HIPK1: variants seen among roughly 807,000 people sequenced by gnomAD.
HIPK1 encodes the protein homeodomain-interacting protein kinase 1.
A neutral mutation model predicts 117.1 loss-of-function variants in HIPK1; 28 were observed. The ratio of observed to expected loss-of-function variants is 0.24; its 90% CI spans 0.18 to 0.33. The LOEUF (loss-of-function observed/expected upper bound fraction) is 0.33, where lower values mean the gene tolerates loss of function less well. Ranked by LOEUF, HIPK1 falls within the 10% of genes least tolerant of loss-of-function variation. The pLI, the probability that HIPK1 is intolerant of heterozygous loss-of-function variation, is 1.00. For missense variants in HIPK1, 1,122 were observed against 1,475.1 expected (o/e 0.76, Z 3.92); for synonymous variants, 605 against 562.5 (o/e 1.08, Z -1.07).
intron 5 of HIPK1, 73 bp downstream of exon 5, chr1:113,955,722 A>T (rs1209732615): frequency 4.0e-6 from 3 of 756,678 alleles, no homozygotes; most frequent in African/African-American, 3.6e-5. Flanking sequence ...TATACTAAAG[A>T]CAAATTTAAT....
At position 113,973,651 on chromosome 1, in the gene HIPK1, A is replaced by G. The variant is rs529289210; in HGVS notation, c.*139A>G. On this transcript the variant is annotated 3_prime_UTR_variant, in exon 16 of 16. Transcript: ENST00000426820. ...TTGTTCTGCAGGGGCCCACTGAAGC[A>G]GAAGGTTTTTCTCTGGGGGAACCTG... 2.0e-6 allele frequency: 2 copies of G among 985,136 alleles called. No homozygotes were observed. The highest frequency in any genetic ancestry group is 2.0e-5 in the South Asian group (1 of 49,190). 61.0% of individuals were successfully genotyped at this position (985,136 alleles called of 1,614,324 possible). A position where few individuals can be genotyped will look rare whatever the true frequency, so the allele number is the denominator to read the frequency against.
chr1:113,970,723 T>C (rs904688299), intron 14 of HIPK1, among the ~76,000 whole-genome samples: 68 of 152,228 alleles, frequency 4.5e-4, no homozygotes, highest in Admixed American at 3.8e-3. Flanking sequence ...GGTTTAGTTA[T>C]TGTGTTAGTT....
chr1:113,969,893 C>T (rs1672705737), intron 13 of HIPK1, 63 bp from the exon 14 acceptor site: 4 of 1,576,880 alleles, frequency 2.5e-6, no homozygotes, highest in Middle Eastern at 2.1e-4. Context: ...GGTGACAGAA[C>T]AAGACGCTGT....
In HIPK1 at chr1:113,975,934, AC is replaced by A. The variant is rs1344230782; in HGVS notation, c.*2423del. 1 of 152,744 alleles carries A rather than the reference AC, an allele frequency of 6.5e-6. No homozygotes were observed. The highest frequency in any genetic ancestry group is 1.5e-5 in the Non-Finnish European group (1 of 68,046). 9.5% of individuals were successfully genotyped at this position (152,744 alleles called of 1,614,324 possible). On this transcript the variant is annotated 3_prime_UTR_variant, in exon 16 of 16. Coordinates refer to ENST00000426820, the MANE Select transcript of HIPK1 (RefSeq NM_198268.3). ...GGGGAAAGAAGATTAATCCTAAAAT[AC>A]AGGTGTGTTCCATCTGAATTGAAAA...
At position 113,966,428 on chromosome 1, in the gene HIPK1, T is replaced by C. The variant is rs536277361; in HGVS notation, c.2381+156T>C. Among the ~76,000 whole-genome samples, 4 of 152,324 alleles carry C rather than the reference T, an allele frequency of 2.6e-5. No individual in the cohort carries two copies. The South Asian group carries it at 6.2e-4, about 24-fold the overall frequency. On this transcript the variant is annotated intron_variant, in intron 11 of 15. Transcript: ENST00000426820. ...CATATCAGGCTAGGAGATGGTGTTA[T>C]AAGAAAACTTTGAATATAGGAAAGC...
chr1:113,969,845 C>A, intron 13 of HIPK1, 111 bp from the exon 14 acceptor site: 1 of 1,191,126 alleles, frequency 8.4e-7, no homozygotes, highest in Non-Finnish European at 1.2e-6. Context: ...AGGTTGAGGT[C>A]GCAGCGAGCT....
chr1:113,929,901 G>A lies in HIPK1; in HGVS notation c.-3+369G>A, dbSNP rs978320054. 7 of 986,446 alleles carry A rather than the reference G, an allele frequency of 7.1e-6. No homozygotes were observed. The African/African-American group carries it at 1.0e-4, about 15-fold the overall frequency. The allele number at this position is 986,446 out of a possible 1,614,324, so 61.1% of individuals were successfully genotyped here. ...TCGTCTCCTCCGCCGCCTCCTCACG[G>A]CAGCCCCAGCTCGCGGCTGAGAACC... is the stretch of plus-strand genomic sequence containing the variant. On this transcript the variant is annotated intron_variant, in intron 1 of 15. Coordinates refer to ENST00000426820, the MANE Select transcript of HIPK1 (RefSeq NM_198268.3).
chr1:113,970,330 A>G, intron 14 of HIPK1, 133 bp downstream of exon 14: 3 of 911,490 alleles, frequency 3.3e-6, no homozygotes, highest in Non-Finnish European at 5.0e-6. Flanking sequence ...TTAATTCAGA[A>G]ATCAGTTCCC....
chr1:113,930,233 C>A (rs1158688575), intron 1 of HIPK1, among the ~76,000 whole-genome samples: 3 of 152,398 alleles, frequency 2.0e-5, no homozygotes, highest in Admixed American at 1.3e-4. Flanking sequence ...TGACAGGGGA[C>A]CGCCTTGCGT....
intron 2 of HIPK1, among the ~76,000 whole-genome samples, chr1:113,944,692 A>T (rs1425617508): frequency 6.7e-6 from 1 of 150,114 alleles, no homozygotes; most frequent in Non-Finnish European, 1.5e-5. Flanking sequence ...GTTGGCCGGG[A>T]TGGTCTCGAT....
intron 9 of HIPK1, among the ~76,000 whole-genome samples, chr1:113,962,972 A>T (rs1672222704): frequency 6.6e-6 from 1 of 152,196 alleles, no homozygotes; most frequent in African/African-American, 2.4e-5. Flanking sequence ...GGAACATTCG[A>T]CTAAGATGAT....
chr1:113,958,026 A>T, intron 7 of HIPK1, 40 bp from the exon 8 acceptor site: 1 of 1,364,056 alleles, frequency 7.3e-7, no homozygotes, highest in Non-Finnish European at 1.0e-6. Flanking sequence ...GTGTGTCTCT[A>T]CTTAATACAA....
rs1261284015 is a variant in HIPK1 at position 113,929,519 on chromosome 1, G to A, written c.-16G>A. 1.6e-6 allele frequency: 2 copies of A among 1,288,988 alleles called. No homozygotes were observed. Among genetic ancestry groups the A allele is most frequent in the South Asian group, 1.2e-5 (1 of 81,054 alleles). 79.8% of individuals were successfully genotyped at this position (1,288,988 alleles called of 1,614,324 possible). ...ATCGTCCTAGAGAGTCCATTCAGCT[G>A]CACTTCCGCCTCAGTAGGTGTCATG... On this transcript the variant is annotated 5_prime_UTR_variant, in exon 1 of 16. Transcript: ENST00000426820.
intron 1 of HIPK1, chr1:113,930,499 A>G (rs1005820938): frequency 6.6e-6 from 1 of 152,128 alleles, no homozygotes; most frequent in East Asian, 1.9e-4. Context: ...AGCCCACCTA[A>G]TGTATATCTG....
chr1:113,961,805 G>A (rs981889060), intron 8 of HIPK1, among the ~76,000 whole-genome samples: 2 of 151,820 alleles, frequency 1.3e-5, no homozygotes, highest in Admixed American at 6.6e-5. Flanking sequence ...TTAGACGGGC[G>A]TGGTGGCGCA....
At chr1:113,972,530 A>G (rs1487527299) in intron 15 of HIPK1, among the ~76,000 whole-genome samples, 1 of 152,226 alleles carries the variant, frequency 6.6e-6, no homozygotes, top group African/African-American at 2.4e-5. Context: ...GTCCACCAGT[A>G]GTGAGAAAGT....
chr1:113,972,187 C>A, intron 15 of HIPK1: 1 of 1,237,804 alleles, frequency 8.1e-7, no homozygotes, highest in Non-Finnish European at 1.1e-6. Flanking sequence ...TAAGTCTACC[C>A]TGGAAGGTTA....
At chr1:113,934,385 A>C (rs1197012171) in intron 1 of HIPK1, among the ~76,000 whole-genome samples, 1 of 152,236 alleles carries the variant, frequency 6.6e-6, no homozygotes, top group Admixed American at 6.5e-5. Context: ...TGGAGCACCC[A>C]GTAAATAATG....
chr1:113,949,660 A>G (rs887575424), intron 2 of HIPK1, among the ~76,000 whole-genome samples: 2 of 146,356 alleles, frequency 1.4e-5, no homozygotes, highest in Admixed American at 7.0e-5. Context: ...GTGCAGTGGC[A>G]CTGTGTCAGC....
Sources: gnomAD v4.1 joint callset for allele counts (sites outside exome capture counted in the v4.1 genomes callset) on GRCh38, gnomAD v4.1.1 for gene constraint, MANE v1.5 for transcripts, NCBI Gene and HGNC (gene_info 2026-07-23, HGNC 2026-07-21) for gene names.